The following ARL8A variants were observed in gnomAD, a reference collection of about 807,000 sequenced individuals.
ARL8A encodes ADP-ribosylation factor-like protein 8A.
Under a neutral mutation model 31.2 loss-of-function variants are expected in ARL8A, and 10 were observed. The ratio of observed to expected loss-of-function variants is 0.32; its 90% CI spans 0.20 to 0.54. The LOEUF (loss-of-function observed/expected upper bound fraction) is 0.54. Ranked by LOEUF, ARL8A falls within the 20% of genes least tolerant of loss-of-function variation. The pLI is 0.93. For missense variants in ARL8A, 129 were observed against 242.8 expected (o/e 0.53, Z 3.12); for synonymous variants, 70 against 86.9 (o/e 0.81, Z 1.08).
rs988677315 is a variant in ARL8A, at chr1:202,144,278, G to A, written c.123+172C>T. On this transcript the variant is annotated intron_variant, in intron 1 of 6. Transcript: ENST00000272217. The surrounding 1 kb of genome is among the most constrained non-coding windows in gnomAD (Gnocchi z 5.2). ...TCGCGCGCCGCCCCGGTCCCCCACG[G>A]CACGGGCCGTACTAGGCCCCAAGCG... is the stretch of plus-strand genomic sequence containing the variant. Among the ~76,000 whole-genome samples, 89 of 151,870 alleles carry A rather than the reference G, an allele frequency of 5.9e-4. No homozygotes were observed. The highest frequency in any genetic ancestry group is 3.4e-3 in the Middle Eastern group (1 of 292).
In ARL8A at chr1:202,135,330, AG is replaced by A; in HGVS notation, c.441-111del. 2.1e-6 allele frequency: 3 copies of A among 1,445,460 alleles called. No individual in the cohort carries two copies. The highest frequency in any genetic ancestry group is 2.9e-6 in the Non-Finnish European group (3 of 1,028,040). The allele number at this position is 1,445,460 out of a possible 1,614,324, so 89.5% of individuals were successfully genotyped here. On this transcript the variant is annotated intron_variant, in intron 5 of 6. Coordinates refer to ENST00000272217, the MANE Select transcript of ARL8A (RefSeq NM_138795.4). The surrounding 1 kb of genome is among the most constrained non-coding windows in gnomAD (Gnocchi z 5.3). ...CTAAGAGGCTACAAAGGGGAGGGTG[AG>A]GTGCCTGAAAAGGTCGGCTCTGCTG... is the stretch of plus-strand genomic sequence containing the variant.
Position 202,144,664 on chromosome 1 carries a change from C to A in ARL8A, c.-92G>T, listed in dbSNP as rs1655256969. 19 of 1,080,018 alleles carry A rather than the reference C, an allele frequency of 1.8e-5. No individual in the cohort carries two copies. Among genetic ancestry groups the A allele is most frequent in the Admixed American group, 5.4e-5 (1 of 18,394 alleles). The allele number at this position is 1,080,018 out of a possible 1,614,324, so 66.9% of individuals were successfully genotyped here. A position where few individuals can be genotyped will look rare whatever the true frequency, so the allele number is the denominator to read the frequency against. ...CCGGAGCGGCCCCTCCCCGGTACGG[C>A]CCGGGTCCCGCGGCTCGGTGCGGGC... is the stretch of plus-strand genomic sequence containing the variant. On this transcript the variant is annotated 5_prime_UTR_variant, in exon 1 of 7. Coordinates refer to ENST00000272217, the MANE Select transcript of ARL8A (RefSeq NM_138795.4). This position sits in a 1 kb window ranked among gnomAD's most constrained non-coding sequence, Gnocchi z 5.2.
chr1:202,134,812 A>G lies in ARL8A; in HGVS notation c.512-296T>C, dbSNP rs978929269. Among the ~76,000 whole-genome samples, 9 of 152,216 alleles carry G rather than the reference A, an allele frequency of 5.9e-5. No homozygotes were observed. Among genetic ancestry groups the G allele is most frequent in the Admixed American group, 3.3e-4 (5 of 15,288 alleles). ...GAAGTCCAGAGCTGGCAAGCGCCAC[A>G]TGGCCCTGAATGAGTAGTAGCGGAA... On this transcript the variant is annotated intron_variant, in intron 6 of 6. Transcript: ENST00000272217. The surrounding 1 kb of genome is among the most constrained non-coding windows in gnomAD (Gnocchi z 4.2).
rs1340646034 is a variant in ARL8A, at chr1:202,135,562, C to A, written c.373-36G>T. On this transcript the variant is annotated intron_variant, in intron 4 of 6. Transcript: ENST00000272217. The surrounding 1 kb of genome is among the most constrained non-coding windows in gnomAD (Gnocchi z 5.3). Reference sequence around the variant, plus strand: ...GGGAGGGTGAGGATGAGGTCTAGGGCAGCCGTGCCCAGGTTGTCTGGGTGG... The same window carrying A: ...GGGAGGGTGAGGATGAGGTCTAGGGAAGCCGTGCCCAGGTTGTCTGGGTGG... 17 of 1,609,270 alleles carry A rather than the reference C, an allele frequency of 1.1e-5. No homozygotes were observed. Among genetic ancestry groups the A allele is most frequent in the Non-Finnish European group, 1.3e-5 (15 of 1,175,878 alleles).
Position 202,135,098 on chromosome 1 carries a change from A to T in ARL8A, c.511+52T>A. 1 of 1,548,890 alleles carries T rather than the reference A, an allele frequency of 6.5e-7. No homozygotes were observed. Among genetic ancestry groups the T allele is most frequent in the Non-Finnish European group, 8.9e-7 (1 of 1,121,054 alleles). Reference sequence around the variant, plus strand: ...TGGAGCGAGAACCTGAGAGCCACTAAAACACTCAGAAATGCCTCTCCCCTC... The same window carrying T: ...TGGAGCGAGAACCTGAGAGCCACTATAACACTCAGAAATGCCTCTCCCCTC... On this transcript the variant is annotated intron_variant, in intron 6 of 6. Coordinates refer to ENST00000272217, the MANE Select transcript of ARL8A (RefSeq NM_138795.4). This position sits in a 1 kb window ranked among gnomAD's most constrained non-coding sequence, Gnocchi z 5.3.
Position 202,138,586 on chromosome 1 carries a change from G to GCCTGAAAGCACAGGA in ARL8A, c.124-139_124-138insTCCTGTGCTTTCAGG. On this transcript the variant is annotated intron_variant, in intron 1 of 6. Transcript: ENST00000272217. This position sits in a 1 kb window ranked among gnomAD's most constrained non-coding sequence, Gnocchi z 4.4. ...ACTGTGGGGTACTCTTGCACATCCT[G>GCCTGAAAGCACAGGA]TGCTTTCAGGCAGGATGGGCTATCA... 1.3e-6 allele frequency: 1 copy of GCCTGAAAGCACAGGA among 773,026 alleles called. No individual in the cohort carries two copies. Among genetic ancestry groups the GCCTGAAAGCACAGGA allele is most frequent in the Non-Finnish European group, 2.1e-6 (1 of 471,878 alleles). 47.9% of individuals were successfully genotyped at this position (773,026 alleles called of 1,614,324 possible). A position where few individuals can be genotyped will look rare whatever the true frequency, so the allele number is the denominator to read the frequency against.
Position 202,135,324 on chromosome 1 carries a change from A to C in ARL8A, c.441-104T>G. 6.9e-7 allele frequency: 1 copy of C among 1,446,024 alleles called. No individual in the cohort carries two copies. 89.6% of individuals were successfully genotyped at this position (1,446,024 alleles called of 1,614,324 possible). A position where few individuals can be genotyped will look rare whatever the true frequency, so the allele number is the denominator to read the frequency against. On this transcript the variant is annotated intron_variant, in intron 5 of 6. Coordinates refer to ENST00000272217, the MANE Select transcript of ARL8A (RefSeq NM_138795.4). This position sits in a 1 kb window ranked among gnomAD's most constrained non-coding sequence, Gnocchi z 5.3. The stretch of plus-strand genomic sequence containing the variant: ...TCTTACCTAAGAGGCTACAAAGGGG[A>C]GGGTGAGGTGCCTGAAAAGGTCGGC...
In ARL8A at chr1:202,138,811, G is replaced by A. The variant is rs1287656751; in HGVS notation, c.124-363C>T. Among the ~76,000 whole-genome samples, 1 of 152,226 alleles carries A rather than the reference G, an allele frequency of 6.6e-6. No individual in the cohort carries two copies. Among genetic ancestry groups the A allele is most frequent in the Non-Finnish European group, 1.5e-5 (1 of 68,034 alleles). ...CTTCCAGCAAGAGAACTTGAAGCAAGTCATGTTCTAATAGTTAAGGAGGAT... is the reference window on the plus strand; with the variant it reads ...CTTCCAGCAAGAGAACTTGAAGCAAATCATGTTCTAATAGTTAAGGAGGAT... On this transcript the variant is annotated intron_variant, in intron 1 of 6. Transcript: ENST00000272217. The surrounding 1 kb of genome is among the most constrained non-coding windows in gnomAD (Gnocchi z 4.4).
chr1:202,142,994 T>C (rs188286816), intron 1 of ARL8A, among the ~76,000 whole-genome samples: 3 of 152,146 alleles, frequency 2.0e-5, no homozygotes, highest in African/African-American at 7.2e-5. Context: ...TCCAAGAGCC[T>C]AAGTCAATGC....
chr1:202,137,925 G>C, intron 3 of ARL8A, 40 bp downstream of exon 3: 5 of 1,610,266 alleles, frequency 3.1e-6, no homozygotes, highest in Non-Finnish European at 4.2e-6. Context: ...TAGGGGGGCC[G>C]GGTAAGGCTG....
At chr1:202,142,064 C>T (rs1235599559) in intron 1 of ARL8A, among the ~76,000 whole-genome samples, 1 of 152,150 alleles carries the variant, frequency 6.6e-6, no homozygotes, top group Non-Finnish European at 1.5e-5. Context: ...GATGGGGTTT[C>T]ACCATGTTGG....
At chr1:202,136,716 C>T (rs1348542583) in intron 3 of ARL8A, among the ~76,000 whole-genome samples, 4 of 152,150 alleles carry the variant, frequency 2.6e-5, no homozygotes, top group South Asian at 4.1e-4. Flanking sequence ...ACTACAGGTG[C>T]GTGCTACCAG....
In ARL8A at chr1:202,134,351, C is replaced by T. The variant is rs997577590; in HGVS notation, c.*116G>A. On this transcript the variant is annotated 3_prime_UTR_variant, in exon 7 of 7. Transcript: ENST00000272217. The surrounding 1 kb of genome is among the most constrained non-coding windows in gnomAD (Gnocchi z 4.2). ...CAGGACTCTGGGGTCCCCAGAGGGC[C>T]CTCCTCACACTGGGTGAGGAGGGGT... The T allele has an allele frequency of 1.2e-5, 12 of 1,021,992 alleles. No individual in the cohort carries two copies. Among genetic ancestry groups the T allele is most frequent in the African/African-American group, 9.7e-5 (6 of 62,034 alleles). The allele number at this position is 1,021,992 out of a possible 1,614,324, so 63.3% of individuals were successfully genotyped here.
At chr1:202,142,106 GAA>G (rs369338838) in intron 1 of ARL8A, among the ~76,000 whole-genome samples, 3 of 152,166 alleles carry the variant, frequency 2.0e-5, no homozygotes, top group South Asian at 4.1e-4. Context: ...AGCCTCAGGT[GAA>G]ACCCCCACTT....
rs772172377 is a variant in ARL8A at position 202,134,462 on chromosome 1, G to C, written c.*5C>G. The C allele has an allele frequency of 1.2e-6, 2 of 1,612,360 alleles. No homozygotes were observed. The highest frequency in any genetic ancestry group is 1.7e-6 in the Non-Finnish European group (2 of 1,178,484). ...TCCCTGGTCTGAGGGAGAAGGGCTG[G>C]AGTCTCAGCTTCTCCGTGACTTCGA... On this transcript the variant is annotated 3_prime_UTR_variant, in exon 7 of 7. Coordinates refer to ENST00000272217, the MANE Select transcript of ARL8A (RefSeq NM_138795.4). This position sits in a 1 kb window ranked among gnomAD's most constrained non-coding sequence, Gnocchi z 4.2.
At chr1:202,143,184 G>A (rs1655206521) in intron 1 of ARL8A, among the ~76,000 whole-genome samples, 1 of 152,208 alleles carries the variant, frequency 6.6e-6, no homozygotes, top group Non-Finnish European at 1.5e-5. Flanking sequence ...TGCAGAGCAT[G>A]TTTGGGAAAG....
At chr1:202,137,492 T>G (rs1655042172) in intron 3 of ARL8A, among the ~76,000 whole-genome samples, 1 of 152,082 alleles carries the variant, frequency 6.6e-6, no homozygotes, top group Admixed American at 6.6e-5. Flanking sequence ...CCAGGCGTGG[T>G]AGCGCATGCC....
chr1:202,141,347 G>A (rs1489904507), intron 1 of ARL8A, among the ~76,000 whole-genome samples: 1 of 152,034 alleles, frequency 6.6e-6, no homozygotes, highest in East Asian at 1.9e-4. Flanking sequence ...TCTTTATATT[G>A]AGTTAACAAT....
intron 3 of ARL8A, 56 bp downstream of exon 3, chr1:202,137,909 C>G (rs747916102): frequency 1.3e-6 from 2 of 1,596,492 alleles, no homozygotes; most frequent in Non-Finnish European, 1.7e-6. Context: ...TCGAAGGTAG[C>G]AGGGCTAGGG....
Sources: allele counts gnomAD v4.1 joint callset (sites outside exome capture counted in the v4.1 genomes callset), GRCh38; gene constraint gnomAD v4.1.1; non-coding constraint Gnocchi (gnomAD v3.1); transcripts MANE v1.5; gene names NCBI Gene and HGNC (gene_info 2026-07-23, HGNC 2026-07-21).